The following EP400 variants were observed in gnomAD, a reference collection of about 807,000 sequenced individuals.
EP400 encodes the protein E1A-binding protein p400.
EP400 carries 105 observed loss-of-function variants against 354.1 expected under a neutral mutation model. The ratio of observed to expected loss-of-function variants is 0.30; its 90% CI spans 0.25 to 0.35. EP400 has a LOEUF of 0.35. EP400 is among the 10% of genes least tolerant of loss of function. The pLI, the probability that EP400 is intolerant of heterozygous loss-of-function variation, is 1.00. For synonymous variants in EP400, 1,646 were observed against 1,716.9 expected, an observed-to-expected ratio of 0.96 and a Z score of 1.02; for missense variants, 3,280 against 4,121.0, an observed-to-expected ratio of 0.80 and a Z score of 5.59.
At chr12:132,012,399 T>C (rs1893796181) in intron 16 of EP400, among the ~76,000 whole-genome samples, 1 of 152,226 alleles carries the variant, frequency 6.6e-6, no homozygotes, top group South Asian at 2.1e-4. Context: ...GGGGCCTTGC[T>C]GCTGCACATT....
chr12:131,997,385 C>G (rs188066184), intron 12 of EP400, among the ~76,000 whole-genome samples: 32 of 151,812 alleles, frequency 2.1e-4, no homozygotes, highest in African/African-American at 7.7e-4. Context: ...CCTTCCACCT[C>G]AGGCTCCCAA....
rs1892612639 is a variant in EP400 at position 131,979,675 on chromosome 12, T to A, written c.1336-19T>A. The A allele has an allele frequency of 6.3e-7, 1 of 1,597,206 alleles. No homozygotes were observed. Among genetic ancestry groups the A allele is most frequent in the African/African-American group, 1.4e-5 (1 of 73,906 alleles). ...GGCCTTCAGTGATCAAAATCTCATT[T>A]TTTCATCTTTTTTCCCAGCAGCAAG... On this transcript the variant is annotated intron_variant, in intron 2 of 52. Coordinates refer to ENST00000389561, the MANE Select transcript of EP400 (RefSeq NM_015409.5).
At chr12:132,001,721 G>A (rs1213585763) in intron 12 of EP400, among the ~76,000 whole-genome samples, 6 of 152,164 alleles carry the variant, frequency 3.9e-5, no homozygotes, top group African/African-American at 1.4e-4. Context: ...GAGCCCTCTG[G>A]TGGCCCTGTC....
At chr12:131,952,376 G>A (rs1466183144) in intron 1 of EP400, among the ~76,000 whole-genome samples, 1 of 151,000 alleles carries the variant, frequency 6.6e-6, no homozygotes, top group Admixed American at 6.6e-5. Context: ...TCAAACTCCT[G>A]ATCTCAGTGA....
In EP400 at chr12:132,052,816, A is replaced by G. The variant is rs1895346319; in HGVS notation, c.7395-330A>G. 6.6e-6 allele frequency among the ~76,000 whole-genome samples: 1 copy of G among 152,162 alleles called. No individual in the cohort carries two copies. Among genetic ancestry groups the G allele is most frequent in the South Asian group, 2.1e-4 (1 of 4,832 alleles). The stretch of plus-strand genomic sequence containing the variant: ...ACTCGAGGGCATCCTCACAGAAGGA[A>G]CAGACAGAGATTTTCCCAAGTACAG... On this transcript the variant is annotated intron_variant, in intron 41 of 52. Transcript: ENST00000389561. This position sits in a 1 kb window ranked among gnomAD's most constrained non-coding sequence, Gnocchi z 4.4.
chr12:131,996,579 C>T, intron 12 of EP400, among the ~76,000 whole-genome samples: 1 of 152,132 alleles, frequency 6.6e-6, no homozygotes, highest in Non-Finnish European at 1.5e-5. Flanking sequence ...GCTTGAGCCA[C>T]CGCGCCCAGC....
At chr12:131,996,295 C>CTTTTTTT (rs575217796) in intron 12 of EP400, among the ~76,000 whole-genome samples, 15,449 of 127,604 alleles carry the variant, frequency 0.12, 1,755 homozygotes, top group African/African-American at 0.28. Context: ...GGAAGGAACT[C>CTTTTTTT]TTTTTTTTTT....
chr12:131,950,744 C>T (rs980581925), intron 1 of EP400, among the ~76,000 whole-genome samples: 8 of 152,214 alleles, frequency 5.3e-5, no homozygotes, highest in Non-Finnish European at 1.2e-4. Context: ...AGTAACGTAT[C>T]CCAGTGCTTT....
intron 32 of EP400, among the ~76,000 whole-genome samples, chr12:132,041,636 C>G (rs1388809573): frequency 6.6e-6 from 1 of 152,072 alleles, no homozygotes; most frequent in East Asian, 1.9e-4. Context: ...GTATCCTTGT[C>G]TTTTGGTAAG....
In EP400 at chr12:132,075,255, T is replaced by C. The variant is rs1166031989; in HGVS notation, c.9022-1261T>C. On this transcript the variant is annotated intron_variant, in intron 51 of 52. Transcript: ENST00000389561. This position sits in a 1 kb window ranked among gnomAD's most constrained non-coding sequence, Gnocchi z 4.5. Reference sequence around the variant, plus strand: ...CCACCGAGAACTGGCCTATACCTGGTGTCTGGTCAGCTGTGTCCTGTGCGA... The same window carrying C: ...CCACCGAGAACTGGCCTATACCTGGCGTCTGGTCAGCTGTGTCCTGTGCGA... 1.3e-5 allele frequency among the ~76,000 whole-genome samples: 2 copies of C among 150,932 alleles called. No homozygotes were observed. The highest frequency in any genetic ancestry group is 4.9e-5 in the African/African-American group (2 of 40,896).
At chr12:131,951,047 C>CT (rs1279828830) in intron 1 of EP400, among the ~76,000 whole-genome samples, 2 of 151,382 alleles carry the variant, frequency 1.3e-5, no homozygotes, top group Non-Finnish European at 2.9e-5. Flanking sequence ...CTACAGGCGC[C>CT]TGCCACCACG....
In EP400 at chr12:131,975,527, T is replaced by C. The variant is rs546213109; in HGVS notation, c.1336-4167T>C. On this transcript the variant is annotated intron_variant, in intron 2 of 52. Transcript: ENST00000389561. ...TCACTTGGTTCTTCTCTCTCAATAA[T>C]CTTTTTTCAGGCTCACTGATTTTTA... Among the ~76,000 whole-genome samples the C allele has an allele frequency of 3.9e-5, 6 of 152,194 alleles. No homozygotes were observed. In the South Asian group the frequency reaches 1.2e-3, roughly 32 times the overall value.
At chr12:132,004,538 T>C (rs1219822716) in intron 12 of EP400, among the ~76,000 whole-genome samples, 1 of 152,236 alleles carries the variant, frequency 6.6e-6, no homozygotes, top group Non-Finnish European at 1.5e-5. Context: ...TTATTTCCTA[T>C]CAATGGTGTT....
chr12:132,019,170 C>T (rs1045114722), intron 21 of EP400, among the ~76,000 whole-genome samples: 3 of 152,168 alleles, frequency 2.0e-5, no homozygotes, highest in Non-Finnish European at 2.9e-5. Flanking sequence ...CCAGTGGGTG[C>T]TAGTCTGTCT....
chr12:132,029,761 G>A lies in EP400; in HGVS notation c.5442G>A (p.Pro1814=), dbSNP rs1172640206. The A allele has an allele frequency of 4.3e-6, 7 of 1,613,310 alleles. No individual in the cohort carries two copies. The highest frequency in any genetic ancestry group is 1.1e-5 in the South Asian group (1 of 91,080). ...AAPPSLRVPR[P]PPLYSHRMRI... ...CCCCGTCCCTACGGGTGCCGCGGCC[G>A]CCACCCCTGTACAGCCACAGAATGA... Residue 1814 remains proline, a synonymous_variant, in exon 28 of 53, where the codon CCG becomes CCA. Coordinates refer to ENST00000389561, the MANE Select transcript of EP400 (RefSeq NM_015409.5). The surrounding 1 kb of genome is among the most constrained non-coding windows in gnomAD (Gnocchi z 4.7).
intron 33 of EP400, 35 bp from the exon 34 acceptor site, chr12:132,043,610 A>G (rs764733528): frequency 1.3e-6 from 2 of 1,590,524 alleles, no homozygotes; most frequent in South Asian, 2.3e-5. Context: ...TTAACTTGCT[A>G]TTAACCCTAT....
intron 12 of EP400, among the ~76,000 whole-genome samples, chr12:131,997,088 T>C (rs1185764298): frequency 6.6e-6 from 1 of 152,150 alleles, no homozygotes; most frequent in East Asian, 1.9e-4. Context: ...GGTTTTGTTA[T>C]ACAGTTGACC....
rs767117283 is a variant in EP400, at chr12:131,961,861, A to G, written c.1242A>G (p.Leu414=). Residue 414 remains leucine, a synonymous_variant, in exon 2 of 53, where the codon TTA becomes TTG. Coordinates refer to ENST00000389561, the MANE Select transcript of EP400 (RefSeq NM_015409.5). ...TCAAGAAGAAACATTATGCCCCATT[A>G]CAAGCATATCTTAGGCAGAATGATT... ...LAFKKKHYAP[L]QAYLRQNDLD... 1.3e-5 allele frequency: 21 copies of G among 1,614,118 alleles called. No homozygotes were observed. The highest frequency in any genetic ancestry group is 1.3e-5 in the Non-Finnish European group (15 of 1,180,060).
At chr12:131,975,609 G>T (rs1238540687) in intron 2 of EP400, among the ~76,000 whole-genome samples, 5 of 151,858 alleles carry the variant, frequency 3.3e-5, no homozygotes, top group Non-Finnish European at 4.4e-5. Flanking sequence ...ACCCAGGCTG[G>T]AGTGTGGTGG....
Sources: gnomAD v4.1 joint callset for allele counts (sites outside exome capture counted in the v4.1 genomes callset) on GRCh38, gnomAD v4.1.1 for gene constraint, Gnocchi (gnomAD v3.1) non-coding constraint, MANE v1.5 for transcripts, NCBI Gene and HGNC (gene_info 2026-07-23, HGNC 2026-07-21) for gene names.